The following ZNF419 variants were observed in gnomAD, a reference collection of about 807,000 sequenced individuals.
The protein encoded by ZNF419 is zinc finger protein 419A.
A neutral mutation model predicts 14.9 loss-of-function variants in ZNF419; 8 were observed. The ratio of observed to expected loss-of-function variants is 0.54; its 90% CI spans 0.32 to 0.97. ZNF419 has a LOEUF of 0.97. Among genes scored for constraint, ZNF419 ranks in the 50% least tolerant of loss-of-function variants. The pLI, the probability that ZNF419 is intolerant of heterozygous loss-of-function variation, is 0.04. For synonymous variants in ZNF419, 211 were observed against 205.3 expected (o/e 1.03, Z -0.24); for missense variants, 595 against 607.2 (o/e 0.98, Z 0.21).
At position 57,494,086 on chromosome 19, in the gene ZNF419, A is replaced by C. The variant is rs772219942; in HGVS notation, c.1529A>C (p.Gln510Pro). ...KHRRIHTGEM[Q>P] ...CGAAGGATTCACACTGGAGAAATGC[A>C]GTGATTGTGTGAAATCCTTTAGCCA... The change falls in exon 5 of 5, where the codon CAG (glutamine) becomes CCG (proline). Residue 510 changes from glutamine to proline, a missense_variant. Transcript: ENST00000221735. 1 of 1,591,978 alleles carries C rather than the reference A, an allele frequency of 6.3e-7. No homozygotes were observed. The highest frequency in any genetic ancestry group is 8.5e-7 in the Non-Finnish European group (1 of 1,170,592).
rs2089547854 is a variant in ZNF419 at position 57,493,487 on chromosome 19, T to A, written c.930T>A (p.Thr310=). The part of the protein sequence containing the change: ...STLVQHHKIH[T]GVRPYECSEC... ...TTGTTCAGCATCACAAAATCCACACTGGAGTAAGGCCTTATGAGTGCAGTG... is the reference window on the plus strand; with the variant it reads ...TTGTTCAGCATCACAAAATCCACACAGGAGTAAGGCCTTATGAGTGCAGTG... The change falls in exon 5 of 5, where the codon ACT becomes ACA. Residue 310 remains threonine (T), a synonymous_variant. Coordinates refer to ENST00000221735, the MANE Select transcript of ZNF419 (RefSeq NM_024691.4). 5 of 1,614,164 alleles carry A rather than the reference T, an allele frequency of 3.1e-6. No individual in the cohort carries two copies. In the East Asian group the frequency reaches 1.1e-4, roughly 36 times the overall value.
chr19:57,489,543 G>T (rs1600131935), intron 1 of ZNF419: 1 of 122,900 alleles, frequency 8.1e-6, no homozygotes. Context: ...AGGCTAAACT[G>T]CAATGGTGCA....
At chr19:57,492,494 C>T in intron 4 of ZNF419, 1 of 765,422 alleles carries the variant, frequency 1.3e-6, no homozygotes, top group Non-Finnish European at 2.4e-6. Context: ...TGAGCATCAG[C>T]TATTTGGTTG....
Position 57,493,020 on chromosome 19 carries a change from T to C in ZNF419, c.463T>C (p.Ser155Pro). ...TTTGAGGAGTTGCAAAGTTCACCTA[T>C]CAGAGAAGTCCTTGCAAAGCAGGGA... Reference protein sequence around the residue: ...PVLRSCKVHLSEKSLQSREVG... With the variant: ...PVLRSCKVHLPEKSLQSREVG... Residue 155 changes from serine (S) to proline (P), a missense_variant, in exon 5 of 5, where the codon TCA (serine) becomes CCA (proline). Transcript: ENST00000221735. 2 of 1,614,104 alleles carry C rather than the reference T, an allele frequency of 1.2e-6. No individual in the cohort carries two copies. Among genetic ancestry groups the C allele is most frequent in the Non-Finnish European group, 1.7e-6 (2 of 1,180,020 alleles).
chr19:57,487,974 C>A lies in ZNF419; in HGVS notation c.24C>A (p.Asp8Glu), dbSNP rs1279464712. 2 of 1,613,760 alleles carry A rather than the reference C, an allele frequency of 1.2e-6. No homozygotes were observed. Among genetic ancestry groups the A allele is most frequent in the Non-Finnish European group, 1.7e-6 (2 of 1,179,934 alleles). The change falls in exon 1 of 5, where the codon GAC becomes GAA. Residue 8 changes from aspartate to glutamate, a missense_variant. Physicochemically the swap from Asp to Glu is conservative, Grantham distance 45. Transcript: ENST00000221735. MAAAALR[D>E]PAQVPVAADL... is the part of the protein sequence containing the mutation. The stretch of plus-strand genomic sequence containing the variant: ...CGATGGCGGCGGCCGCCCTGAGGGA[C>A]CCCGCTCAGGTGAGCGCCGCGTCCT...
chr19:57,494,182 G>A lies in ZNF419; in HGVS notation c.*92G>A, dbSNP rs1464044748. 2.7e-5 allele frequency: 40 copies of A among 1,498,090 alleles called. No homozygotes were observed. Among genetic ancestry groups the A allele is most frequent in the Non-Finnish European group, 3.2e-5 (36 of 1,120,664 alleles). The allele number at this position is 1,498,090 out of a possible 1,614,324, so 92.8% of individuals were successfully genotyped here. ...TCTTGAAGGTAACAGATGGAAATCC[G>A]TTAGCCACACCTCCAGTCTCATTCA... is the stretch of plus-strand genomic sequence containing the variant. On this transcript the variant is annotated 3_prime_UTR_variant, in exon 5 of 5. Coordinates refer to ENST00000221735, the MANE Select transcript of ZNF419 (RefSeq NM_024691.4).
Position 57,495,680 on chromosome 19 carries a change from T to C in ZNF419, c.*1590T>C, listed in dbSNP as rs759592337. On this transcript the variant is annotated 3_prime_UTR_variant, in exon 5 of 5. Coordinates refer to ENST00000221735, the MANE Select transcript of ZNF419 (RefSeq NM_024691.4). ...GGCGGAGCTTGCAGTGAGCCGAGAT[T>C]GCGCCACTGCACTCCAGCCTGGGGC... The C allele has an allele frequency of 6.6e-5, 9 of 136,558 alleles. No individual in the cohort carries two copies. The highest frequency in any genetic ancestry group is 9.1e-5 in the Non-Finnish European group (6 of 66,260). 8.5% of individuals were successfully genotyped at this position (136,558 alleles called of 1,614,324 possible).
chr19:57,491,389 A>C, intron 2 of ZNF419, 82 bp from the exon 3 acceptor site: 2 of 1,582,586 alleles, frequency 1.3e-6, no homozygotes, highest in South Asian at 2.3e-5. Context: ...GAAGAGGGTG[A>C]GCAGGGGTGG....
rs746716064 is a variant in ZNF419, at chr19:57,495,875, A to C, written c.*1785A>C. The C allele has an allele frequency of 6.6e-6, 1 of 151,906 alleles. No homozygotes were observed. The highest frequency in any genetic ancestry group is 1.5e-5 in the Non-Finnish European group (1 of 68,002). The allele number at this position is 151,906 out of a possible 1,614,324, so 9.4% of individuals were successfully genotyped here. On this transcript the variant is annotated 3_prime_UTR_variant, in exon 5 of 5. Transcript: ENST00000221735. ...AATAAATAATTCAATATATAGATAAATGTGTACATATTCCCTATCTTTACT... is the reference window on the plus strand; with the variant it reads ...AATAAATAATTCAATATATAGATAACTGTGTACATATTCCCTATCTTTACT...
Position 57,492,170 on chromosome 19 carries a change from T to G in ZNF419, c.257T>G (p.Phe86Cys). The G allele has an allele frequency of 6.2e-7, 1 of 1,613,944 alleles. No individual in the cohort carries two copies. The highest frequency in any genetic ancestry group is 1.1e-5 in the South Asian group (1 of 91,056). Reference sequence around the variant, plus strand: ...CAGCTGGAGTCATGGGAGGAGCCCTTCATGCCTGCTTGGGAAGTTGTGACT... The same window carrying G: ...CAGCTGGAGTCATGGGAGGAGCCCTGCATGCCTGCTTGGGAAGTTGTGACT... The part of the protein sequence containing the change: ...ITQLESWEEP[F>C]MPAWEVVTSA... Residue 86 changes from phenylalanine to cysteine, a missense_variant, in exon 4 of 5, where the codon TTC (phenylalanine) becomes TGC (cysteine). By Grantham distance (205) the Phe-to-Cys change is radical. Transcript: ENST00000221735.
intron 2 of ZNF419, 181 bp from the exon 3 acceptor site, chr19:57,491,290 C>G: frequency 1.2e-6 from 1 of 832,784 alleles, no homozygotes. Context: ...TATCTGCCTA[C>G]CTGCCTATTG....
At chr19:57,492,829 A>G (rs74889371) in intron 4 of ZNF419, 27 bp from the exon 5 acceptor site, 19,906 of 1,613,458 alleles carry the variant, frequency 0.012, 152 homozygotes, top group Non-Finnish European at 0.014. Flanking sequence ...GTCTACATTT[A>G]CTTCTTCAAC....
In ZNF419 at chr19:57,487,836, A is replaced by G. The variant is rs1464651350; in HGVS notation, c.-115A>G. 43 of 1,491,726 alleles carry G rather than the reference A, an allele frequency of 2.9e-5. No homozygotes were observed. The highest frequency in any genetic ancestry group is 4.0e-5 in the Non-Finnish European group (43 of 1,073,888). The allele number at this position is 1,491,726 out of a possible 1,614,324, so 92.4% of individuals were successfully genotyped here. ...ACCAGCGCCGGAAGGCACGGTGGCG[A>G]CTCACGCTGTTCTCGCCGCTCAGAG... On this transcript the variant is annotated 5_prime_UTR_variant, in exon 1 of 5. Transcript: ENST00000221735.
chr19:57,490,068 A>T, intron 1 of ZNF419, 79 bp from the exon 2 acceptor site: 3 of 1,375,260 alleles, frequency 2.2e-6, no homozygotes, highest in Non-Finnish European at 1.0e-6. Flanking sequence ...GGCACACCTG[A>T]CTCCAGGCTA....
chr19:57,491,396 G>A (rs1180088137), intron 2 of ZNF419, 75 bp from the exon 3 acceptor site: 1 of 1,591,910 alleles, frequency 6.3e-7, no homozygotes, highest in African/African-American at 1.3e-5. Context: ...GTGAGCAGGG[G>A]TGGATGTTTA....
intron 4 of ZNF419, 32 bp from the exon 5 acceptor site, chr19:57,492,824 C>A (rs1374600673): frequency 6.2e-7 from 1 of 1,613,480 alleles, no homozygotes. Context: ...CCAAAGTCTA[C>A]ATTTACTTCT....
chr19:57,488,044 C>T (rs1600129125), intron 1 of ZNF419, 61 bp downstream of exon 1: 1 of 1,607,242 alleles, frequency 6.2e-7, no homozygotes, highest in Non-Finnish European at 8.5e-7. Flanking sequence ...GCCGCCTGCT[C>T]AGGTCCCCGG....
In ZNF419 at chr19:57,493,117, A is replaced by G. The variant is rs2089532985; in HGVS notation, c.560A>G (p.His187Arg). The change falls in exon 5 of 5, where the codon CAT (histidine) becomes CGT (arginine). Residue 187 changes from histidine to arginine, a missense_variant. His to Arg is a conservative substitution (Grantham distance 29). Coordinates refer to ENST00000221735, the MANE Select transcript of ZNF419 (RefSeq NM_024691.4). Reference sequence around the variant, plus strand: ...GTGACTCACACAGGAGAGAAGTCACATAGGAGCTCCAAAAGTAGGGAGGCC... The same window carrying G: ...GTGACTCACACAGGAGAGAAGTCACGTAGGAGCTCCAAAAGTAGGGAGGCC... The part of the protein sequence containing the change: ...HQVTHTGEKS[H>R]RSSKSREAFH... 6.2e-7 allele frequency: 1 copy of G among 1,614,082 alleles called. No homozygotes were observed. Among genetic ancestry groups the G allele is most frequent in the Non-Finnish European group, 8.5e-7 (1 of 1,180,028 alleles).
rs374429622 is a variant in ZNF419, at chr19:57,487,977, C to T, written c.27C>T (p.Pro9=). ...TGGCGGCGGCCGCCCTGAGGGACCC[C>T]GCTCAGGTGAGCGCCGCGTCCTCCT... is the stretch of plus-strand genomic sequence containing the variant. The part of the protein sequence containing the change: MAAAALRD[P]AQVPVAADLL... The change falls in exon 1 of 5, where the codon CCC becomes CCT. Residue 9 remains proline (P), a synonymous_variant. Coordinates refer to ENST00000221735, the MANE Select transcript of ZNF419 (RefSeq NM_024691.4). The T allele has an allele frequency of 5.9e-5, 95 of 1,613,752 alleles. No individual in the cohort carries two copies. Among genetic ancestry groups the T allele is most frequent in the Admixed American group, 8.3e-5 (5 of 60,022 alleles).
Sources: allele counts gnomAD v4.1 joint callset, GRCh38; gene constraint gnomAD v4.1.1; transcripts MANE v1.5; gene names NCBI Gene and HGNC (gene_info 2026-07-23, HGNC 2026-07-21).